UBAP2L: variants seen among roughly 807,000 people sequenced by gnomAD.
UBAP2L encodes the protein ubiquitin associated protein 2 like.
In UBAP2L, 12 loss-of-function variants were observed where a neutral mutation model predicts 130.6. The observed-to-expected ratio is 0.09, with a 90% CI of 0.06 to 0.15. The LOEUF (loss-of-function observed/expected upper bound fraction) is 0.15, where lower values mean the gene tolerates loss of function less well. Among genes scored for constraint, UBAP2L ranks in the 10% least tolerant of loss-of-function variants. The pLI is 1.00. For synonymous variants in UBAP2L, 503 were observed against 524.7 expected (o/e 0.96, Z 0.57); for missense variants, 965 against 1,332.5 (o/e 0.72, Z 4.29).
chr1:154,221,621 G>A (rs1666142233), intron 1 of UBAP2L, among the ~76,000 whole-genome samples: 1 of 152,212 alleles, frequency 6.6e-6, no homozygotes, highest in African/African-American at 2.4e-5. Flanking sequence ...GATTGGCCCC[G>A]TGGGCTCTCG....
intron 8 of UBAP2L, 97 bp from the exon 9 acceptor site, chr1:154,241,416 T>C: frequency 1.6e-6 from 2 of 1,228,848 alleles, no homozygotes; most frequent in Non-Finnish European, 2.4e-6. Context: ...AGTCATACTT[T>C]TGGCTGCCAA....
At chr1:154,255,606 T>C in intron 17 of UBAP2L, 77 bp from the exon 18 acceptor site, 2 of 1,506,102 alleles carry the variant, frequency 1.3e-6, no homozygotes, top group Non-Finnish European at 1.8e-6. Flanking sequence ...CTTATTTCCT[T>C]GTTATGTTCT....
At chr1:154,220,659 C>T (rs116446449), upstream of UBAP2L, 368 of 562,564 alleles carry the variant, frequency 6.5e-4, 1 homozygote, top group African/African-American at 6.6e-3. Flanking sequence ...GCGTCGAGCG[C>T]TCAGACGCGG....
intron 7 of UBAP2L, 130 bp downstream of exon 7, chr1:154,236,741 G>T: frequency 1.1e-6 from 1 of 931,630 alleles, no homozygotes. Context: ...TCATTTCTTA[G>T]GGATAAACCT....
chr1:154,236,643 T>A (rs751414102), intron 7 of UBAP2L, 32 bp downstream of exon 7: 1 of 1,613,248 alleles, frequency 6.2e-7, no homozygotes, highest in African/African-American at 1.3e-5. Flanking sequence ...TCTTAATTTT[T>A]TTTCCCTTAA....
intron 14 of UBAP2L, 66 bp from the exon 15 acceptor site, chr1:154,253,834 T>C (rs1678733699): frequency 6.6e-7 from 1 of 1,510,238 alleles, no homozygotes; most frequent in South Asian, 1.2e-5. Context: ...ATCTCCACGA[T>C]TTCCTTAGTA....
intron 8 of UBAP2L, among the ~76,000 whole-genome samples, chr1:154,239,357 C>G (rs938585022): frequency 6.6e-5 from 10 of 152,142 alleles, no homozygotes; most frequent in African/African-American, 2.2e-4. Context: ...CTAACTGCCC[C>G]AGATATTTTT....
At chr1:154,220,607 T>G (rs1007532695), upstream of UBAP2L, 9 of 606,576 alleles carry the variant, frequency 1.5e-5, no homozygotes, top group South Asian at 7.7e-5. Flanking sequence ...GCCTTCCAGC[T>G]TCCCCCTGAC....
At chr1:154,267,421 T>G (rs1422818548) in intron 25 of UBAP2L, among the ~76,000 whole-genome samples, 1 of 151,848 alleles carries the variant, frequency 6.6e-6, no homozygotes, top group Admixed American at 6.6e-5. Flanking sequence ...CCCAAAGTGC[T>G]AGATTACAGG....
At chr1:154,249,020 A>T (rs1676603965) in intron 11 of UBAP2L, among the ~76,000 whole-genome samples, 1 of 152,144 alleles carries the variant, frequency 6.6e-6, no homozygotes. Flanking sequence ...GGAAAGAGAG[A>T]TTAAAAAATA....
chr1:154,271,469 C>A (rs1392688788), downstream of UBAP2L: 1 of 152,090 alleles, frequency 6.6e-6, no homozygotes, highest in African/African-American at 2.4e-5. Flanking sequence ...AATAAAAAAA[C>A]AAAACCTTGG....
In UBAP2L at chr1:154,254,849, C is replaced by G. The variant is rs1328374076; in HGVS notation, c.1868C>G (p.Ser623Cys). 2.5e-6 allele frequency: 4 copies of G among 1,594,680 alleles called. No individual in the cohort carries two copies. Among genetic ancestry groups the G allele is most frequent in the Non-Finnish European group, 3.4e-6 (4 of 1,175,232 alleles). The change falls in exon 16 of 27, where the codon TCT becomes TGT. Residue 623 changes from serine (S) to cysteine (C), a missense_variant. Around this residue, in one of 9 missense-constraint regions of UBAP2L, gnomAD observed 393 missense variants for 408.1 expected, o/e 0.96. Coordinates refer to ENST00000428931, the MANE Select transcript of UBAP2L (RefSeq NM_014847.4). Reference sequence around the variant, plus strand: ...TTTTTTTACCAGAATGGCTTCAGTTCTGTGCAGGCCACGCAGTTACAGACC... The same window carrying G: ...TTTTTTTACCAGAATGGCTTCAGTTGTGTGCAGGCCACGCAGTTACAGACC... ...DLTQAKNGFS[S>C]VQATQLQTTQ...
intron 24 of UBAP2L, among the ~76,000 whole-genome samples, chr1:154,264,450 G>T (rs567892472): frequency 6.6e-6 from 1 of 152,292 alleles, no homozygotes; most frequent in Admixed American, 6.5e-5. Flanking sequence ...CTGGTGAGGG[G>T]TAGTGAAATC....
chr1:154,226,794 T>G (rs373256816), intron 2 of UBAP2L, among the ~76,000 whole-genome samples: 2 of 152,322 alleles, frequency 1.3e-5, no homozygotes. Flanking sequence ...CTGTAACAGT[T>G]TCACTCAATT....
At position 154,237,076 on chromosome 1, in the gene UBAP2L, G is replaced by A; in HGVS notation, c.643G>A (p.Gly215Ser). 6.2e-7 allele frequency: 1 copy of A among 1,614,146 alleles called. No individual in the cohort carries two copies. Among genetic ancestry groups the A allele is most frequent in the Non-Finnish European group, 8.5e-7 (1 of 1,180,012 alleles). ...AEPANTDDNY[G>S]NSSGNTWNNT... is the part of the protein sequence containing the mutation. ...GCCAGCCAATACTGATGATAACTAT[G>A]GCAATAGCAGCGGCAATACGTGGAA... is the stretch of plus-strand genomic sequence containing the variant. Residue 215 changes from glycine to serine, a missense_variant, in exon 8 of 27, where the codon GGC (glycine) becomes AGC (serine). This residue lies in a region of UBAP2L where 109 missense variants were observed against 146.6 expected (regional missense o/e 0.74). Coordinates refer to ENST00000428931, the MANE Select transcript of UBAP2L (RefSeq NM_014847.4).
chr1:154,254,513 C>G (rs527732838), intron 15 of UBAP2L: 5 of 472,090 alleles, frequency 1.1e-5, no homozygotes, highest in South Asian at 2.6e-5. Context: ...GTTGTACTTA[C>G]CCTTCCCCAA....
At position 154,233,875 on chromosome 1, in the gene UBAP2L, CTTTTTTT is replaced by C. The variant is rs773762669; in HGVS notation, c.280-710_280-704del. ...TGACTCCGAAGGAAATTAGTTTTTT[CTTTTTTT>C]TTTTTAGCCCAGGAAATAACACTTG... is the stretch of plus-strand genomic sequence containing the variant. On this transcript the variant is annotated intron_variant, in intron 4 of 26. Coordinates refer to ENST00000428931, the MANE Select transcript of UBAP2L (RefSeq NM_014847.4). Among the ~76,000 whole-genome samples, 3 of 139,318 alleles carry C rather than the reference CTTTTTTT, an allele frequency of 2.2e-5. 1 individual carries two copies. The highest frequency in any genetic ancestry group is 8.7e-5 in the African/African-American group (3 of 34,322). The allele number at this position is 139,318 out of a possible 152,430, so 91.4% of individuals were successfully genotyped here.
At chr1:154,227,121 TATCCCTG>T (rs2148489725) in intron 2 of UBAP2L, among the ~76,000 whole-genome samples, 154 bp from the exon 3 acceptor site, 1 of 152,362 alleles carries the variant, frequency 6.6e-6, no homozygotes, top group Non-Finnish European at 1.5e-5. Flanking sequence ...CACCCGCACC[TATCCCTG>T]ATCCCCCATT....
intron 11 of UBAP2L, among the ~76,000 whole-genome samples, chr1:154,246,623 T>A (rs1675589374): frequency 6.6e-6 from 1 of 152,262 alleles, no homozygotes; most frequent in Non-Finnish European, 1.5e-5. Flanking sequence ...CTCATTGTGC[T>A]GAATGAACAC....
Sources: gnomAD v4.1 joint callset for allele counts (sites outside exome capture counted in the v4.1 genomes callset) on GRCh38, gnomAD v4.1.1 for gene constraint, gnomAD v4.1.1 regional missense constraint, MANE v1.5 for transcripts, NCBI Gene and HGNC (gene_info 2026-07-23, HGNC 2026-07-21) for gene names.